Variants in WDPCP observed in about 807,000 individuals in gnomAD.
WDPCP encodes WD repeat containing planar cell polarity effector.
A neutral mutation model predicts 93.1 loss-of-function variants in WDPCP; 71 were observed. The observed-to-expected ratio is 0.76, with a 90% CI of 0.63 to 0.93. The LOEUF (loss-of-function observed/expected upper bound fraction) is 0.93. Among genes scored for constraint, WDPCP ranks in the 40% least tolerant of loss-of-function variants. The pLI is 0.00. For synonymous variants in WDPCP, 315 were observed against 315.0 expected (o/e 1.00, Z 0.00); for missense variants, 844 against 887.4 (o/e 0.95, Z 0.62).
chr2:63,142,817 GGTGTGTGTGTGTGT>G (rs143419326), intron 17 of WDPCP, among the ~76,000 whole-genome samples: 6 of 146,386 alleles, frequency 4.1e-5, no homozygotes, highest in African/African-American at 7.6e-5. Context: ...CAGTGTTAGG[GGTGTGTGTGTGTGT>G]GTGTGTGTGT....
chr2:63,339,365 G>A (rs982053839), intron 12 of WDPCP, among the ~76,000 whole-genome samples: 25 of 152,060 alleles, frequency 1.6e-4, no homozygotes, highest in African/African-American at 6.0e-4. Context: ...TAGAGACGGG[G>A]TTTCACTGTG....
chr2:63,766,896 C>G (rs1468944441), intron 2 of WDPCP, among the ~76,000 whole-genome samples: 1 of 152,126 alleles, frequency 6.6e-6, no homozygotes, highest in African/African-American at 2.4e-5. Context: ...AACAATAACT[C>G]CCATTCCCTT....
chr2:63,524,268 T>A (rs1703156318), intron 1 of WDPCP, among the ~76,000 whole-genome samples: 2 of 148,302 alleles, frequency 1.3e-5, no homozygotes, highest in Non-Finnish European at 3.0e-5. Context: ...TATTCTAAAA[T>A]TCATATGGAA....
intron 2 of WDPCP, among the ~76,000 whole-genome samples, chr2:63,659,760 A>G (rs954308100): frequency 6.6e-6 from 1 of 152,186 alleles, no homozygotes; most frequent in South Asian, 2.1e-4. Context: ...AGATACAACT[A>G]TATATGAGCC....
intron 2 of WDPCP, among the ~76,000 whole-genome samples, chr2:63,764,583 C>T (rs760528690): frequency 6.6e-6 from 1 of 152,140 alleles, no homozygotes; most frequent in Non-Finnish European, 1.5e-5. Flanking sequence ...ATTAAAAAAG[C>T]ACATTAAATA....
Position 63,544,968 on chromosome 2 carries a change from T to A in WDPCP, c.75+43229A>T, listed in dbSNP as rs561357866. On this transcript the variant is annotated intron_variant, in intron 1 of 17. Transcript: ENST00000272321. ...TAAGTGATAAACTATTCATGTGAAT[T>A]ACTAGAATCAACATTGACTTTACAT... Among the ~76,000 whole-genome samples, 3 of 152,270 alleles carry A rather than the reference T, an allele frequency of 2.0e-5. 1 individual carries two copies. Among genetic ancestry groups the A allele is most frequent in the African/African-American group, 7.2e-5 (3 of 41,570 alleles).
intron 6 of WDPCP, chr2:63,440,169 C>A: frequency 3.6e-6 from 1 of 278,720 alleles, no homozygotes; most frequent in Non-Finnish European, 6.9e-6. Flanking sequence ...CATATGCAGA[C>A]ATAACTGCTT....
At chr2:63,656,016 G>T (rs1710162282) in intron 2 of WDPCP, among the ~76,000 whole-genome samples, 1 of 152,160 alleles carries the variant, frequency 6.6e-6, no homozygotes, top group African/African-American at 2.4e-5. Context: ...TCTGATGAAG[G>T]ACGGGGGATT....
intron 12 of WDPCP, among the ~76,000 whole-genome samples, chr2:63,358,731 C>G (rs1434980027): frequency 6.6e-6 from 1 of 152,188 alleles, no homozygotes; most frequent in African/African-American, 2.4e-5. Context: ...TCTGGGATTA[C>G]AGGTGTGAGC....
At chr2:63,381,213 T>C (rs1295975587) in intron 11 of WDPCP, among the ~76,000 whole-genome samples, 1 of 152,134 alleles carries the variant, frequency 6.6e-6, no homozygotes, top group East Asian at 1.9e-4. Context: ...TATTAGATAA[T>C]TGGCAAATAT....
intron 14 of WDPCP, among the ~76,000 whole-genome samples, chr2:63,176,192 A>G (rs1327683015): frequency 6.6e-6 from 1 of 152,122 alleles, no homozygotes; most frequent in Non-Finnish European, 1.5e-5. Flanking sequence ...GCATCTTTTT[A>G]TATGCTTGTT....
intron 1 of WDPCP, among the ~76,000 whole-genome samples, chr2:63,498,159 C>CA (rs1474468473): frequency 2.0e-5 from 3 of 152,054 alleles, no homozygotes; most frequent in South Asian, 2.1e-4. Flanking sequence ...AAAACCCAAA[C>CA]AAAAAATCAC....
intron 14 of WDPCP, among the ~76,000 whole-genome samples, chr2:63,248,434 AT>A (rs1220748812): frequency 6.6e-6 from 1 of 152,114 alleles, no homozygotes; most frequent in Non-Finnish European, 1.5e-5. Context: ...CTTGAAGTTC[AT>A]TGAGCATCTT....
At chr2:63,339,488 A>G (rs1017332491) in intron 12 of WDPCP, among the ~76,000 whole-genome samples, 3 of 151,928 alleles carry the variant, frequency 2.0e-5, no homozygotes, top group Admixed American at 2.0e-4. Flanking sequence ...TATTTTTTAG[A>G]TTGTTTGCTG....
intron 1 of WDPCP, among the ~76,000 whole-genome samples, chr2:63,570,000 T>C (rs752891588): frequency 4.6e-5 from 7 of 152,214 alleles, no homozygotes; most frequent in Non-Finnish European, 1.0e-4. Flanking sequence ...ACTGGCTCCC[T>C]GCTTCTGTTA....
chr2:63,798,211 A>T (rs1156486526), intron 2 of WDPCP, among the ~76,000 whole-genome samples: 1 of 152,236 alleles, frequency 6.6e-6, no homozygotes, highest in Non-Finnish European at 1.5e-5. Context: ...AATGTCAATG[A>T]GTAATAAAAA....
intron 12 of WDPCP, among the ~76,000 whole-genome samples, chr2:63,313,955 C>G (rs2103972712): frequency 6.9e-6 from 1 of 143,972 alleles, no homozygotes; most frequent in East Asian, 2.0e-4. Flanking sequence ...GATCTCGGCT[C>G]ACTGCAACCT....
chr2:63,684,186 T>G, intron 2 of WDPCP: 1 of 326,688 alleles, frequency 3.1e-6, no homozygotes, highest in Non-Finnish European at 5.9e-6. Flanking sequence ...CTCCCCAGCA[T>G]GTGGATCATT....
chr2:63,792,357 A>G (rs1046434463), intron 2 of WDPCP, among the ~76,000 whole-genome samples: 1 of 152,132 alleles, frequency 6.6e-6, no homozygotes, highest in Admixed American at 6.5e-5. Flanking sequence ...ATCTCATGAG[A>G]ACTCACTCAC....
Sources: allele counts gnomAD v4.1 joint callset (sites outside exome capture counted in the v4.1 genomes callset), GRCh38; gene constraint gnomAD v4.1.1; transcripts MANE v1.5; gene names NCBI Gene and HGNC (gene_info 2026-07-23, HGNC 2026-07-21).